ZNF18: variants seen among roughly 807,000 people sequenced by gnomAD.
The protein encoded by ZNF18 is zinc finger protein 18.
Under a neutral mutation model 58.1 loss-of-function variants are expected in ZNF18, and 42 were observed. The ratio of observed to expected loss-of-function variants is 0.72; its 90% confidence interval spans 0.56 to 0.93. The LOEUF is 0.93. Ranked by LOEUF, ZNF18 falls within the 40% of genes least tolerant of loss-of-function variation. The pLI is 0.00. For synonymous variants in ZNF18, 231 were observed against 239.8 expected, an observed-to-expected ratio of 0.96 and a Z score of 0.34; for missense variants, 540 against 644.2, an observed-to-expected ratio of 0.84 and a Z score of 1.75.
At chr17:12,005,355 C>T in the ZNF18 span, among the ~76,000 whole-genome samples, 5 of 151,904 alleles carry the variant, frequency 3.3e-5, no homozygotes, top group East Asian at 1.9e-4. Context: ...CAAAATATTC[C>T]GTATAAAAAG....
chr17:11,997,573 G>C (rs1289479741), upstream of ZNF18: 1 of 152,216 alleles, frequency 6.6e-6, no homozygotes, highest in Non-Finnish European at 1.5e-5. Context: ...ATTGGCCGTC[G>C]GGGACGCCCC....
chr17:12,007,737 G>C, the ZNF18 span, among the ~76,000 whole-genome samples: 1 of 152,174 alleles, frequency 6.6e-6, no homozygotes, highest in Non-Finnish European at 1.5e-5. Context: ...TGGTTTTTCA[G>C]ACTGAACCTT....
At position 11,992,517 on chromosome 17, in the gene ZNF18, A is replaced by G. The variant is rs1968194697; in HGVS notation, c.313T>C (p.Cys105Arg). The change falls in exon 2 of 7, where the codon TGT (cysteine) becomes CGT (arginine). Residue 105 changes from cysteine to arginine, a missense_variant. Coordinates refer to ENST00000580306, the MANE Select transcript of ZNF18 (RefSeq NM_001303281.2). ...ACTGCCTCTTCTCCACTTCCTGGAC[A>G]CTGTTTCCGCACCCACATCTGGATC... is the stretch of plus-strand genomic sequence containing the variant. ...GEIQMWVRKQ[C>R]PGSGEEAVTL... 1 of 1,614,130 alleles carries G rather than the reference A, an allele frequency of 6.2e-7. No homozygotes were observed. The highest frequency in any genetic ancestry group is 2.2e-5 in the East Asian group (1 of 44,878).
chr17:11,984,007 A>C (rs1007798785), intron 5 of ZNF18, 106 bp downstream of exon 5: 28 of 1,006,054 alleles, frequency 2.8e-5, no homozygotes, highest in Non-Finnish European at 3.7e-5. Flanking sequence ...GATTTCTTTC[A>C]CCTGGCGATT....
At chr17:12,018,991 G>A in the ZNF18 span, among the ~76,000 whole-genome samples, 1 of 151,452 alleles carries the variant, frequency 6.6e-6, no homozygotes, top group Non-Finnish European at 1.5e-5. Flanking sequence ...GTCTTGCTCT[G>A]TCACCCAGGC....
chr17:11,987,141 T>G (rs996441350), intron 4 of ZNF18, among the ~76,000 whole-genome samples: 1 of 152,238 alleles, frequency 6.6e-6, no homozygotes, highest in Non-Finnish European at 1.5e-5. Context: ...TCTATTTTTG[T>G]GTGGAACTGG....
the ZNF18 span, among the ~76,000 whole-genome samples, chr17:12,006,511 G>C: frequency 6.6e-6 from 1 of 152,166 alleles, no homozygotes; most frequent in Non-Finnish European, 1.5e-5. Flanking sequence ...CTGTTATTGA[G>C]ATATCGTAAT....
rs144680153 is a variant in ZNF18 at position 11,978,498 on chromosome 17, AGTT to A, written c.1106_1108del (p.Gln369del). 686 of 1,607,148 alleles carry A rather than the reference AGTT, an allele frequency of 4.3e-4. 3 individuals carry two copies. In the East Asian group the frequency reaches 8.2e-3, roughly 19 times the overall value. ...ATGAGGATTAGGCAAATGCTGACCT[AGTT>A]GTTTCTCAGAAATCCTTTCTTGAGG... On this transcript the variant is annotated inframe_deletion, in exon 7 of 7. Coordinates refer to ENST00000580306, the MANE Select transcript of ZNF18 (RefSeq NM_001303281.2).
the ZNF18 span, among the ~76,000 whole-genome samples, chr17:12,007,906 A>G: frequency 2.0e-5 from 3 of 152,200 alleles, no homozygotes; most frequent in Non-Finnish European, 4.4e-5. Flanking sequence ...ACTGGGGAAC[A>G]CAGAGAGAGA....
In ZNF18 at chr17:11,978,597, A is replaced by G. The variant is rs1046673073; in HGVS notation, c.1010T>C (p.Phe337Ser). The G allele has an allele frequency of 2.4e-5, 39 of 1,613,902 alleles. No homozygotes were observed. The East Asian group carries it at 8.5e-4, about 35-fold the overall frequency. ...CTCAGGGAGATTCTCTCCTTCTCCA[A>G]AGCATCCTGGCTCATCCTCAGTGAA... ...GFFTEDEPGC[F>S]GEGENLPEAL... is the part of the protein sequence containing the mutation. Residue 337 changes from phenylalanine (F) to serine (S), a missense_variant, in exon 7 of 7, where the codon TTT (phenylalanine) becomes TCT (serine). By Grantham distance (155) the Phe-to-Ser change is radical. Transcript: ENST00000580306.
At chr17:11,995,941 C>T (rs1387461813) in intron 1 of ZNF18, among the ~76,000 whole-genome samples, 1 of 151,992 alleles carries the variant, frequency 6.6e-6, no homozygotes, top group East Asian at 1.9e-4. Flanking sequence ...CTCAAAAACC[C>T]AATATCTGAT....
upstream of ZNF18, among the ~76,000 whole-genome samples, chr17:11,997,829 G>A (rs1183666706): frequency 2.6e-5 from 4 of 152,172 alleles, no homozygotes; most frequent in Admixed American, 6.5e-5. Context: ...CCGCAGAGCT[G>A]CAACGCTCTG....
chr17:11,979,639 C>T (rs933695897), intron 6 of ZNF18, among the ~76,000 whole-genome samples: 1 of 152,072 alleles, frequency 6.6e-6, no homozygotes, highest in Non-Finnish European at 1.5e-5. Context: ...ATTATTTTAA[C>T]TATATAGATC....
intron 1 of ZNF18, chr17:11,997,054 G>A (rs934905189): frequency 6.6e-6 from 1 of 152,394 alleles, no homozygotes; most frequent in Admixed American, 6.5e-5. Flanking sequence ...ATGAGAGAGG[G>A]AGAGACTCCA....
chr17:12,007,996 A>C, the ZNF18 span, among the ~76,000 whole-genome samples: 1 of 152,108 alleles, frequency 6.6e-6, no homozygotes, highest in African/African-American at 2.4e-5. Context: ...AAAGAAAATA[A>C]AGTTAATCAG....
Position 11,978,216 on chromosome 17 carries a change from C to T in ZNF18, c.1391G>A (p.Cys464Tyr). 1 of 1,614,104 alleles carries T rather than the reference C, an allele frequency of 6.2e-7. No homozygotes were observed. Among genetic ancestry groups the T allele is most frequent in the Admixed American group, 1.7e-5 (1 of 60,010 alleles). Reference protein sequence around the residue: ...HQRTHTGEKPCKCDYCGKGFS... With the variant: ...HQRTHTGEKPYKCDYCGKGFS... Reference sequence around the variant, plus strand: ...GCCTTTCCCACAGTAATCACATTTACAGGGCTTCTCTCCCGTGTGAGTTCT... The same window carrying T: ...GCCTTTCCCACAGTAATCACATTTATAGGGCTTCTCTCCCGTGTGAGTTCT... Residue 464 changes from cysteine (C) to tyrosine (Y), a missense_variant, in exon 7 of 7, where the codon TGT becomes TAT. Physicochemically the swap from Cys to Tyr is radical, Grantham distance 194. Transcript: ENST00000580306.
chr17:11,993,962 A>G (rs2151487053), intron 1 of ZNF18, among the ~76,000 whole-genome samples: 1 of 152,274 alleles, frequency 6.6e-6, no homozygotes, highest in East Asian at 1.9e-4. Flanking sequence ...AGACAGTAGA[A>G]AGAGAAATAT....
the ZNF18 span, among the ~76,000 whole-genome samples, chr17:12,004,809 C>T: frequency 6.6e-6 from 1 of 151,290 alleles, no homozygotes; most frequent in African/African-American, 2.4e-5. Context: ...ATAGCTTGAA[C>T]CCAGGAGACA....
chr17:12,009,997 T>G, the ZNF18 span, among the ~76,000 whole-genome samples: 1 of 152,164 alleles, frequency 6.6e-6, no homozygotes, highest in Non-Finnish European at 1.5e-5. Context: ...CATCACCTTT[T>G]CCTTGACTGC....
Sources: allele counts gnomAD v4.1 joint callset (sites outside exome capture counted in the v4.1 genomes callset), GRCh38; gene constraint gnomAD v4.1.1; transcripts MANE v1.5; gene names NCBI Gene and HGNC (gene_info 2026-07-23, HGNC 2026-07-21).